The following MYH10 variants were observed in gnomAD, a reference collection of about 807,000 sequenced individuals.
MYH10 encodes the protein myosin heavy chain 10, also known as myosin-10.
In MYH10, 55 loss-of-function variants were observed where a neutral mutation model predicts 257.8. That is an observed-to-expected ratio of 0.21 (90% CI 0.17 to 0.27). The LOEUF is 0.27. Ranked by LOEUF, MYH10 falls within the 10% of genes least tolerant of loss-of-function variation. MYH10 has a pLI of 1.00. For synonymous variants in MYH10, 854 were observed against 921.7 expected (o/e 0.93, Z 1.33); for missense variants, 1,631 against 2,500.6 (o/e 0.65, Z 7.42).
intron 30 of MYH10, among the ~76,000 whole-genome samples, chr17:8,495,628 G>A (rs1031325559): frequency 2.0e-5 from 3 of 152,082 alleles, no homozygotes; most frequent in African/African-American, 7.2e-5. Flanking sequence ...TCCTTCACAC[G>A]AATATGCGTT....
intron 7 of MYH10, among the ~76,000 whole-genome samples, chr17:8,561,762 C>A (rs941156436): frequency 1.3e-5 from 2 of 151,998 alleles, no homozygotes; most frequent in Non-Finnish European, 2.9e-5. Flanking sequence ...CAACATGCAA[C>A]ACTCTATTCC....
intron 13 of MYH10, among the ~76,000 whole-genome samples, chr17:8,542,965 C>A (rs1567873260): frequency 6.6e-6 from 1 of 152,172 alleles, no homozygotes; most frequent in Non-Finnish European, 1.5e-5. Context: ...TGAATTTAGG[C>A]ATTTTTCATA....
At chr17:8,495,340 G>A (rs966778547) in intron 30 of MYH10, 99 bp from the exon 31 acceptor site, 14 of 741,952 alleles carry the variant, frequency 1.9e-5, no homozygotes, top group Middle Eastern at 3.7e-4. Context: ...AACTCGGCGG[G>A]AGTGTGAACC....
rs965162517 is a variant in MYH10 at position 8,504,129 on chromosome 17, C to G, written c.3599+565G>C. Among the ~76,000 whole-genome samples, 1 of 152,220 alleles carries G rather than the reference C, an allele frequency of 6.6e-6. No homozygotes were observed. Among genetic ancestry groups the G allele is most frequent in the Non-Finnish European group, 1.5e-5 (1 of 68,038 alleles). The stretch of plus-strand genomic sequence containing the variant: ...CCTTCTCTGGCCATGTTCACCTATG[C>G]TCGTCACTTTTTTCATGCCCGCCCT... On this transcript the variant is annotated intron_variant, in intron 28 of 42. Transcript: ENST00000360416. The surrounding 1 kb of genome is among the most constrained non-coding windows in gnomAD (Gnocchi z 5.6).
rs542036322 is a variant in MYH10, at chr17:8,489,935, T to C, written c.4884+405A>G. On this transcript the variant is annotated intron_variant, in intron 35 of 42. Coordinates refer to ENST00000360416, the MANE Select transcript of MYH10 (RefSeq NM_001256012.3). ...AAAGGACAAATTTAAATATCTGCTC[T>C]TTTTCCTTTTGAAGAGTGATCTAAT... 7.2e-5 allele frequency among the ~76,000 whole-genome samples: 11 copies of C among 152,374 alleles called. No individual in the cohort carries two copies. In the Middle Eastern group the frequency reaches 0.02, roughly 283 times the overall value.
At chr17:8,601,815 T>TA (rs1455688612) in intron 3 of MYH10, among the ~76,000 whole-genome samples, 1 of 152,042 alleles carries the variant, frequency 6.6e-6, no homozygotes, top group South Asian at 2.1e-4. Flanking sequence ...AAATCCAATT[T>TA]AAAAAAAATT....
At chr17:8,489,699 G>A (rs1445101244) in intron 35 of MYH10, among the ~76,000 whole-genome samples, 2 of 51,906 alleles carry the variant, frequency 3.9e-5, no homozygotes, top group Non-Finnish European at 7.2e-5. Context: ...GCGAGACTCC[G>A]TCTGAAAAAA....
rs1361095511 is a variant in MYH10 at position 8,569,486 on chromosome 17, A to G, written c.756+234T>C. 6.6e-6 allele frequency among the ~76,000 whole-genome samples: 1 copy of G among 152,128 alleles called. No individual in the cohort carries two copies. Among genetic ancestry groups the G allele is most frequent in the Non-Finnish European group, 1.5e-5 (1 of 68,034 alleles). ...ATTACATATCCATAAAATAAGACAGAGTTATACATTTCTGTATGATAAAAT... is the reference window on the plus strand; with the variant it reads ...ATTACATATCCATAAAATAAGACAGGGTTATACATTTCTGTATGATAAAAT... On this transcript the variant is annotated intron_variant, in intron 7 of 42. Coordinates refer to ENST00000360416, the MANE Select transcript of MYH10 (RefSeq NM_001256012.3). This position sits in a 1 kb window ranked among gnomAD's most constrained non-coding sequence, Gnocchi z 4.1.
chr17:8,577,740 C>T (rs1281556746), intron 4 of MYH10, among the ~76,000 whole-genome samples: 1 of 152,152 alleles, frequency 6.6e-6, no homozygotes, highest in Non-Finnish European at 1.5e-5. Context: ...CCATGTTGGC[C>T]AGGCTGGTCT....
At chr17:8,530,265 GTTC>G (rs1388240713) in intron 17 of MYH10, among the ~76,000 whole-genome samples, 1 of 152,188 alleles carries the variant, frequency 6.6e-6, no homozygotes, top group Non-Finnish European at 1.5e-5. Flanking sequence ...TAGCAGATCA[GTTC>G]TTAACAATTT....
At chr17:8,575,786 A>G (rs1459034934) in intron 6 of MYH10, among the ~76,000 whole-genome samples, 4 of 152,178 alleles carry the variant, frequency 2.6e-5, no homozygotes, top group Non-Finnish European at 5.9e-5. Flanking sequence ...CCAAGTATAG[A>G]TGTCCTACTC....
intron 16 of MYH10, among the ~76,000 whole-genome samples, chr17:8,533,618 T>C (rs536328752): frequency 1.1e-4 from 16 of 152,350 alleles, no homozygotes; most frequent in African/African-American, 3.8e-4. Context: ...GCTTTCATTG[T>C]TTAATCAACA....
At chr17:8,548,954 T>C (rs1345611313) in intron 9 of MYH10, among the ~76,000 whole-genome samples, 167 bp from the exon 10 acceptor site, 1 of 10,030 alleles carries the variant, frequency 1.0e-4, no homozygotes, top group Non-Finnish European at 6.9e-3. Flanking sequence ...TACACAAACA[T>C]ACATTTTTTT....
intron 14 of MYH10, among the ~76,000 whole-genome samples, chr17:8,538,902 TGAGA>T (rs1272875877): frequency 6.6e-6 from 1 of 152,182 alleles, no homozygotes; most frequent in African/African-American, 2.4e-5. Flanking sequence ...GCAGCCGTGT[TGAGA>T]GATAAGACCT....
intron 2 of MYH10, among the ~76,000 whole-genome samples, chr17:8,621,588 C>T (rs1400044000): frequency 6.6e-6 from 1 of 152,154 alleles, no homozygotes; most frequent in South Asian, 2.1e-4. Flanking sequence ...GCTTTCTTAT[C>T]CCTGGCTTAG....
At chr17:8,487,026 C>CACA (rs1310607192) in intron 36 of MYH10, among the ~76,000 whole-genome samples, 3 of 152,188 alleles carry the variant, frequency 2.0e-5, no homozygotes, top group Non-Finnish European at 2.9e-5. Context: ...TGAACTCTTG[C>CACA]AGAGATCACT....
Position 8,475,814 on chromosome 17 carries a change from T to C in MYH10, c.6014A>G (p.Gln2005Arg). Residue 2005 changes from glutamine to arginine, a missense_variant, in exon 43 of 43, where the codon CAG (glutamine) becomes CGG (arginine). Physicochemically the swap from Gln to Arg is conservative, Grantham distance 43. Around this residue, in one of 11 missense-constraint regions of MYH10, gnomAD observed 343 missense variants for 389.5 expected, o/e 0.88. Transcript: ENST00000360416. ...TGGCTTCCTGCAACTTTACTCTGAC[T>C]GGGGTGGCTGCGTCTCGTTGACATC... Reference protein sequence around the residue: ...TSDVNETQPPQSE With the variant: ...TSDVNETQPPRSE 1 of 1,614,144 alleles carries C rather than the reference T, an allele frequency of 6.2e-7. No individual in the cohort carries two copies. The highest frequency in any genetic ancestry group is 8.5e-7 in the Non-Finnish European group (1 of 1,179,996).
chr17:8,495,463 T>C (rs1313054582), intron 30 of MYH10, among the ~76,000 whole-genome samples: 1 of 152,088 alleles, frequency 6.6e-6, no homozygotes, highest in Non-Finnish European at 1.5e-5. Context: ...TAATAGTCTC[T>C]ACCCATGAAA....
At chr17:8,510,053 T>TTTG (rs1294824939) in intron 24 of MYH10, 104 bp from the exon 25 acceptor site, 3 of 1,251,304 alleles carry the variant, frequency 2.4e-6, no homozygotes, top group Non-Finnish European at 2.1e-6. Context: ...TTTTTTTTTT[T>TTTG]TTTGACACGG....
Sources: gnomAD v4.1 joint callset for allele counts (sites outside exome capture counted in the v4.1 genomes callset) on GRCh38, gnomAD v4.1.1 for gene constraint, gnomAD v4.1.1 regional missense constraint, Gnocchi (gnomAD v3.1) non-coding constraint, MANE v1.5 for transcripts, NCBI Gene and HGNC (gene_info 2026-07-23, HGNC 2026-07-21) for gene names.